Variants in RBFOX1 observed in about 807,000 individuals in gnomAD.
RBFOX1 encodes RNA binding fox-1 homolog 1.
Under a neutral mutation model 57.7 loss-of-function variants are expected in RBFOX1, and 8 were observed. The ratio of observed to expected loss-of-function variants is 0.14; its 90% CI spans 0.08 to 0.25. The LOEUF (loss-of-function observed/expected upper bound fraction) is 0.25, where lower values mean the gene tolerates loss of function less well. Among genes scored for constraint, RBFOX1 ranks in the 10% least tolerant of loss-of-function variants. The pLI is 1.00. For missense variants in RBFOX1, 611 were observed against 548.5 expected, an observed-to-expected ratio of 1.11 and a Z score of -1.14; for synonymous variants, 326 against 222.4, an observed-to-expected ratio of 1.47 and a Z score of -4.15.
At chr16:7,433,655 T>G in intron 4 of RBFOX1, among the ~76,000 whole-genome samples, 1 of 152,354 alleles carries the variant, frequency 6.6e-6, no homozygotes, top group East Asian at 1.9e-4. Flanking sequence ...ATTTAGTTTC[T>G]ACAGTATCAG....
intron 2 of RBFOX1, among the ~76,000 whole-genome samples, chr16:5,551,879 G>T (rs2045480147): frequency 6.6e-6 from 1 of 151,788 alleles, no homozygotes. Context: ...TTATGAGTGA[G>T]AATATGCGGT....
chr16:5,989,181 A>G (rs796209554), intron 4 of RBFOX1, among the ~76,000 whole-genome samples: 163 of 151,848 alleles, frequency 1.1e-3, no homozygotes, highest in African/African-American at 3.8e-3. Context: ...AATACAAAAA[A>G]TTAGCTGGGC....
chr16:6,975,664 C>A (rs749484304), intron 3 of RBFOX1, among the ~76,000 whole-genome samples: 2 of 152,200 alleles, frequency 1.3e-5, no homozygotes. Flanking sequence ...ATCAGAATTT[C>A]AGCCCAAGTT....
chr16:7,611,897 C>A (rs1274797687), intron 10 of RBFOX1, among the ~76,000 whole-genome samples: 2 of 152,184 alleles, frequency 1.3e-5, no homozygotes, highest in Non-Finnish European at 1.5e-5. Flanking sequence ...ACACATACAT[C>A]AGCACATCCC....
intron 3 of RBFOX1, among the ~76,000 whole-genome samples, chr16:5,707,127 C>T (rs1305244731): frequency 6.6e-6 from 1 of 152,150 alleles, no homozygotes; most frequent in Non-Finnish European, 1.5e-5. Flanking sequence ...TCACGACTCT[C>T]CCATTCCCAG....
chr16:7,337,899 C>T (rs749130109), intron 4 of RBFOX1, among the ~76,000 whole-genome samples: 3 of 152,146 alleles, frequency 2.0e-5, no homozygotes, highest in Admixed American at 6.5e-5. Flanking sequence ...TGGTTAGGCT[C>T]ATCTTGAACT....
chr16:7,038,685 C>G (rs1044335737), intron 3 of RBFOX1, among the ~76,000 whole-genome samples: 2 of 152,146 alleles, frequency 1.3e-5, no homozygotes, highest in African/African-American at 4.8e-5. Context: ...TGCATTCTTG[C>G]AGAAAGCAGA....
chr16:6,195,665 G>A (rs959719084), intron 1 of RBFOX1, among the ~76,000 whole-genome samples: 1 of 151,808 alleles, frequency 6.6e-6, no homozygotes, highest in Non-Finnish European at 1.5e-5. Context: ...GTTGCAGTGA[G>A]CCGAGATTGC....
intron 1 of RBFOX1, among the ~76,000 whole-genome samples, chr16:5,258,131 C>T (rs568244470): frequency 1.3e-5 from 2 of 152,140 alleles, no homozygotes; most frequent in Non-Finnish European, 2.9e-5. Context: ...CTCCATCCAC[C>T]TCGGCCTCCT....
chr16:5,268,868 T>C (rs1431970480), intron 1 of RBFOX1, among the ~76,000 whole-genome samples: 1 of 152,214 alleles, frequency 6.6e-6, no homozygotes, highest in Non-Finnish European at 1.5e-5. Flanking sequence ...CAGCAGTGTA[T>C]GAAGGTTCTA....
At chr16:6,942,351 T>G (rs1423292850) in intron 3 of RBFOX1, among the ~76,000 whole-genome samples, 2 of 152,120 alleles carry the variant, frequency 1.3e-5, no homozygotes, top group African/African-American at 4.8e-5. Flanking sequence ...GATTTTTTTT[T>G]GTGACATTTT....
At chr16:6,593,296 C>T (rs1017242522) in intron 2 of RBFOX1, among the ~76,000 whole-genome samples, 79 of 152,238 alleles carry the variant, frequency 5.2e-4, no homozygotes, top group African/African-American at 1.9e-3. Context: ...TTGCTCAATA[C>T]AGGGTGTAAG....
At chr16:5,324,195 G>A (rs1476250275) in intron 1 of RBFOX1, among the ~76,000 whole-genome samples, 2 of 152,198 alleles carry the variant, frequency 1.3e-5, no homozygotes, top group Non-Finnish European at 2.9e-5. Context: ...GGGTGCTGTG[G>A]CTCATGCCTG....
rs201835150 is a variant in RBFOX1, at chr16:7,278,866, A to G, written c.27+226768A>G. On this transcript the variant is annotated intron_variant, in intron 4 of 15. Coordinates refer to ENST00000550418, the MANE Select transcript of RBFOX1 (RefSeq NM_018723.4). ...GCCAAGGCTGTCTTGTTCTCAGCCT[A>G]AATTTATCTTGTCGAAAGGGAATTA... Among the ~76,000 whole-genome samples, 38 of 152,298 alleles carry G rather than the reference A, an allele frequency of 2.5e-4. No homozygotes were observed. In the East Asian group the frequency reaches 5.6e-3, roughly 22 times the overall value.
chr16:7,105,834 T>C (rs955319630), intron 4 of RBFOX1, among the ~76,000 whole-genome samples: 2 of 152,110 alleles, frequency 1.3e-5, no homozygotes, highest in African/African-American at 2.4e-5. Flanking sequence ...ACTCATTTGA[T>C]TGATGGGCAT....
chr16:6,800,078 A>T (rs141172869), intron 3 of RBFOX1, among the ~76,000 whole-genome samples: 146 of 152,284 alleles, frequency 9.6e-4, no homozygotes, highest in African/African-American at 3.2e-3. Flanking sequence ...TGGTGTCAGT[A>T]AACTGTCATG....
chr16:7,424,980 A>C (rs1412860389), intron 4 of RBFOX1, among the ~76,000 whole-genome samples: 1 of 152,196 alleles, frequency 6.6e-6, no homozygotes, highest in Non-Finnish European at 1.5e-5. Context: ...GTTATCTTAG[A>C]GATGGTATGA....
At chr16:5,666,125 G>C (rs556539627) in intron 3 of RBFOX1, among the ~76,000 whole-genome samples, 16 of 152,206 alleles carry the variant, frequency 1.1e-4, no homozygotes, top group African/African-American at 3.6e-4. Context: ...GGCCGGTTCC[G>C]TTTGCCTGGA....
intron 3 of RBFOX1, among the ~76,000 whole-genome samples, chr16:6,990,029 A>G (rs1348084464): frequency 6.6e-6 from 1 of 152,126 alleles, no homozygotes; most frequent in Admixed American, 6.5e-5. Context: ...AATGTCTGCA[A>G]ACTACTTGAA....
Sources: allele counts gnomAD v4.1 joint callset (sites outside exome capture counted in the v4.1 genomes callset), GRCh38; gene constraint gnomAD v4.1.1; transcripts MANE v1.5; gene names NCBI Gene and HGNC (gene_info 2026-07-23, HGNC 2026-07-21).